TLCD5: variants seen among roughly 807,000 people sequenced by gnomAD.
The protein encoded by TLCD5 is TLC domain containing 5, also known as TLC domain-containing protein 5.
Under a neutral mutation model 20.5 loss-of-function variants are expected in TLCD5, and 15 were observed. The ratio of observed to expected loss-of-function variants is 0.73; its 90% CI spans 0.49 to 1.13. TLCD5 has a LOEUF of 1.13. Ranked by LOEUF, TLCD5 falls within the 50% of genes most tolerant of loss-of-function variation. The pLI is 0.00. For missense variants in TLCD5, 289 were observed against 305.6 expected, an observed-to-expected ratio of 0.95 and a Z score of 0.41; for synonymous variants, 107 against 114.7, an observed-to-expected ratio of 0.93 and a Z score of 0.43.
At chr11:120,328,632 A>T (rs1409065133) in intron 2 of TLCD5, among the ~76,000 whole-genome samples, 2 of 151,812 alleles carry the variant, frequency 1.3e-5, no homozygotes, top group African/African-American at 4.9e-5. Flanking sequence ...GTGTTTGTAT[A>T]TGTATGCATA....
chr11:120,328,762 T>TTGTG (rs1165132439), intron 2 of TLCD5, among the ~76,000 whole-genome samples: 992 of 12,088 alleles, frequency 0.082, 3 homozygotes, highest in Middle Eastern at 0.25. Flanking sequence ...AACAGTCATA[T>TTGTG]TGTGTGTGTG....
intron 2 of TLCD5, among the ~76,000 whole-genome samples, chr11:120,329,004 A>AGTGTGT (rs71301641): frequency 9.3e-4 from 7 of 7,548 alleles, no homozygotes; most frequent in Non-Finnish European, 1.7e-3. Flanking sequence ...TAACAGTCAT[A>AGTGTGT]GTGTGTGTGT....
rs755540176 is a variant in TLCD5 at position 120,330,019 on chromosome 11, C to T, written c.242C>T (p.Thr81Ile). 1 of 1,614,138 alleles carries T rather than the reference C, an allele frequency of 6.2e-7. No homozygotes were observed. Among genetic ancestry groups the T allele is most frequent in the Non-Finnish European group, 8.5e-7 (1 of 1,180,010 alleles). Residue 81 changes from threonine (T) to isoleucine (I), a missense_variant, in exon 3 of 3, where the codon ACC becomes ATC. Coordinates refer to ENST00000375095, the MANE Select transcript of TLCD5 (RefSeq NM_001198671.2). ...CTCCAAGTTCATGTCCTGTGTCTCA[C>T]CTTGGGCTACTTCATCTTCGACTTG... ...TPLQVHVLCL[T>I]LGYFIFDLGW...
intron 2 of TLCD5, 55 bp downstream of exon 2, chr11:120,327,695 A>T: frequency 4.5e-6 from 7 of 1,541,508 alleles, no homozygotes; most frequent in Non-Finnish European, 6.1e-6. Flanking sequence ...TCTTAGAAGT[A>T]TGGGACTTTT....
At position 120,330,586 on chromosome 11, in the gene TLCD5, C is replaced by T. The variant is rs1019798117; in HGVS notation, c.*71C>T. On this transcript the variant is annotated 3_prime_UTR_variant, in exon 3 of 3. Transcript: ENST00000375095. ...AACCAGGTTGGAAATATGACTGTTA[C>T]ATAATTACACTTATAACAAACTTAG... is the stretch of plus-strand genomic sequence containing the variant. The T allele has an allele frequency of 2.9e-4, 428 of 1,480,406 alleles. No homozygotes were observed. The highest frequency in any genetic ancestry group is 3.5e-4 in the Non-Finnish European group (386 of 1,106,814). 91.7% of individuals were successfully genotyped at this position (1,480,406 alleles called of 1,614,324 possible).
intron 1 of TLCD5, 46 bp downstream of exon 1, chr11:120,325,414 C>T (rs938259904): frequency 1.4e-4 from 22 of 152,156 alleles, no homozygotes; most frequent in African/African-American, 5.3e-4. Context: ...GCACGGGGCC[C>T]GCGCGGCCCA....
At chr11:120,325,453 C>G (rs1941971524) in intron 1 of TLCD5, 85 bp downstream of exon 1, 1 of 151,962 alleles carries the variant, frequency 6.6e-6, no homozygotes, top group African/African-American at 2.4e-5. Flanking sequence ...GCAGAGGGCC[C>G]GGGCTCGCCT....
chr11:120,326,176 C>T (rs1565398407), intron 1 of TLCD5, among the ~76,000 whole-genome samples: 1 of 151,858 alleles, frequency 6.6e-6, no homozygotes, highest in East Asian at 1.9e-4. Context: ...CCTTCCTCCC[C>T]TTCCTCTTCC....
chr11:120,328,295 A>T (rs975492114), intron 2 of TLCD5, among the ~76,000 whole-genome samples: 2 of 151,836 alleles, frequency 1.3e-5, no homozygotes, highest in African/African-American at 4.8e-5. Flanking sequence ...GTTAGTCAGG[A>T]TGGTCTCGAT....
intron 2 of TLCD5, among the ~76,000 whole-genome samples, chr11:120,329,724 A>C (rs1001532648): frequency 1.3e-5 from 2 of 152,190 alleles, no homozygotes; most frequent in Non-Finnish European, 2.9e-5. Flanking sequence ...GCCTGTGTTC[A>C]TTGAAGGATG....
Position 120,331,334 on chromosome 11 carries a change from C to T in TLCD5, c.*819C>T, listed in dbSNP as rs1369845936. 1 of 152,232 alleles carries T rather than the reference C, an allele frequency of 6.6e-6. No homozygotes were observed. Among genetic ancestry groups the T allele is most frequent in the Non-Finnish European group, 1.5e-5 (1 of 68,048 alleles). The allele number at this position is 152,232 out of a possible 1,614,324, so 9.4% of individuals were successfully genotyped here. On this transcript the variant is annotated 3_prime_UTR_variant, in exon 3 of 3. Coordinates refer to ENST00000375095, the MANE Select transcript of TLCD5 (RefSeq NM_001198671.2). The surrounding 1 kb of genome is among the most constrained non-coding windows in gnomAD (Gnocchi z 4.5). ...CACAGGATGCACTTAATTCCCCTAGCAGTGATTTGTTACGACATGTGAATG... is the reference window on the plus strand; with the variant it reads ...CACAGGATGCACTTAATTCCCCTAGTAGTGATTTGTTACGACATGTGAATG...
At chr11:120,328,213 G>A (rs567024437) in intron 2 of TLCD5, among the ~76,000 whole-genome samples, 85 of 152,074 alleles carry the variant, frequency 5.6e-4, no homozygotes, top group Non-Finnish European at 1.1e-3. Flanking sequence ...CCGAGTAGCT[G>A]GGACTACAGG....
chr11:120,330,252 G>T lies in TLCD5; in HGVS notation c.475G>T (p.Val159Leu). The change falls in exon 3 of 3, where the codon GTA (valine) becomes TTA (leucine). Residue 159 changes from valine (V) to leucine (L), a missense_variant. Val to Leu is a conservative substitution (Grantham distance 32). Coordinates refer to ENST00000375095, the MANE Select transcript of TLCD5 (RefSeq NM_001198671.2). ...TGHYHSFTGDVVDFLFVALFT... is the reference protein window; with the variant it reads ...TGHYHSFTGDLVDFLFVALFT... ...GCACTATCACAGTTTCACTGGAGAT[G>T]TAGTGGACTTCCTCTTTGTGGCTCT... is the stretch of plus-strand genomic sequence containing the variant. 6.4e-7 allele frequency: 1 copy of T among 1,553,078 alleles called. No homozygotes were observed. Among genetic ancestry groups the T allele is most frequent in the Non-Finnish European group, 8.7e-7 (1 of 1,149,358 alleles).
chr11:120,330,132 C>T lies in TLCD5; in HGVS notation c.355C>T (p.Leu119Phe). ...SILGIIMALV[L>F]GESGTEVNAV... ...CTTGGGCATTATCATGGCCCTTGTG[C>T]TTGGGGAGTCTGGCACAGAGGTCAA... Residue 119 changes from leucine to phenylalanine, a missense_variant, in exon 3 of 3, where the codon CTT (leucine) becomes TTT (phenylalanine). Leu to Phe is a conservative substitution (Grantham distance 22, BLOSUM62 0). Transcript: ENST00000375095. 1 of 1,612,892 alleles carries T rather than the reference C, an allele frequency of 6.2e-7. No homozygotes were observed. Among genetic ancestry groups the T allele is most frequent in the African/African-American group, 1.3e-5 (1 of 75,022 alleles).
Position 120,330,374 on chromosome 11 carries a change from G to A in TLCD5, c.597G>A (p.Ala199=), listed in dbSNP as rs1490274129. The A allele has an allele frequency of 3.7e-6, 6 of 1,614,026 alleles. No individual in the cohort carries two copies. Among genetic ancestry groups the A allele is most frequent in the South Asian group, 3.3e-5 (3 of 91,048 alleles). ...PKWFVKAGGV[A]MYAVSWCFMF... is the part of the protein sequence containing the mutation. ...GGTTTGTGAAGGCTGGGGGAGTAGC[G>A]ATGTATGCTGTGTCTTGGTGTTTCA... The change falls in exon 3 of 3, where the codon GCG becomes GCA. Residue 199 remains alanine, a synonymous_variant. Transcript: ENST00000375095.
intron 2 of TLCD5, among the ~76,000 whole-genome samples, chr11:120,329,014 T>A (rs1241942977): frequency 6.7e-6 from 1 of 150,234 alleles, no homozygotes; most frequent in East Asian, 2.0e-4. Flanking sequence ...AGTGTGTGTG[T>A]GTGTGTATGT....
Position 120,327,594 on chromosome 11 carries a change from C to T in TLCD5, c.153C>T (p.Ser51=), listed in dbSNP as rs549681153. 84 of 1,614,156 alleles carry T rather than the reference C, an allele frequency of 5.2e-5. No homozygotes were observed. The highest frequency in any genetic ancestry group is 6.2e-5 in the Non-Finnish European group (73 of 1,180,038). Residue 51 remains serine, a synonymous_variant, in exon 2 of 3, where the codon TCC becomes TCT. Transcript: ENST00000375095. ...ATGGAGTCCTCTCTATAGGCCTCTC[C>T]GCTTATATTGGCTTCATTGATGGCC... The part of the protein sequence containing the change: ...FTHGVLSIGL[S]AYIGFIDGPW...
At position 120,327,514 on chromosome 11, in the gene TLCD5, C is replaced by T. The variant is rs549150497; in HGVS notation, c.73C>T (p.His25Tyr). Residue 25 changes from histidine to tyrosine, a missense_variant, in exon 2 of 3, where the codon CAC (histidine) becomes TAC (tyrosine). By Grantham distance (83) the His-to-Tyr change is moderately conservative (BLOSUM62 2). Coordinates refer to ENST00000375095, the MANE Select transcript of TLCD5 (RefSeq NM_001198671.2). The part of the protein sequence containing the change: ...GWLSLYISFC[H>Y]LNKHRSYEWS... Reference sequence around the variant, plus strand: ...GCTCTCGCTCTATATTTCTTTCTGCCACCTGAATAAGCACCGAAGCTATGA... The same window carrying T: ...GCTCTCGCTCTATATTTCTTTCTGCTACCTGAATAAGCACCGAAGCTATGA... 2.5e-6 allele frequency: 4 copies of T among 1,614,170 alleles called. No homozygotes were observed. The highest frequency in any genetic ancestry group is 2.7e-5 in the African/African-American group (2 of 75,040).
intron 2 of TLCD5, among the ~76,000 whole-genome samples, chr11:120,329,215 T>C (rs61898351): frequency 0.42 from 63,781 of 151,802 alleles, 13,807 homozygotes; most frequent in African/African-American, 0.51. Context: ...GACCTTATTT[T>C]CAAATACACT....
Sources: allele counts gnomAD v4.1 joint callset (sites outside exome capture counted in the v4.1 genomes callset), GRCh38; gene constraint gnomAD v4.1.1; non-coding constraint Gnocchi (gnomAD v3.1); transcripts MANE v1.5; gene names NCBI Gene and HGNC (gene_info 2026-07-23, HGNC 2026-07-21).